Variants in MEF2C observed in about 807,000 individuals in gnomAD.
MEF2C encodes the protein myocyte enhancer factor 2C.
MEF2C carries 6 observed loss-of-function variants against 50.5 expected under a neutral mutation model. That is an observed-to-expected ratio of 0.12 (90% confidence interval 0.07 to 0.23). The LOEUF (loss-of-function observed/expected upper bound fraction) is 0.23. Ranked by LOEUF, MEF2C falls within the 10% of genes least tolerant of loss-of-function variation. The pLI is 1.00. For synonymous variants in MEF2C, 183 were observed against 228.0 expected (o/e 0.80, Z 1.78); for missense variants, 276 against 605.0 (o/e 0.46, Z 5.70).
At chr5:88,752,172 T>A in intron 4 of MEF2C, 129 bp from the exon 5 acceptor site, 1 of 765,574 alleles carries the variant, frequency 1.3e-6, no homozygotes, top group Non-Finnish European at 2.0e-6. Flanking sequence ...AGAAGACCAT[T>A]AAGAAGAGCT....
intron 3 of MEF2C, chr5:88,772,918 G>C (rs1291921642): frequency 1.0e-6 from 1 of 985,312 alleles, no homozygotes; most frequent in African/African-American, 1.7e-5. Flanking sequence ...TTTTGCCTGA[G>C]CTTGTGATAT....
At chr5:88,773,609 C>A (rs1314136629) in intron 3 of MEF2C, among the ~76,000 whole-genome samples, 1 of 152,184 alleles carries the variant, frequency 6.6e-6, no homozygotes, top group Admixed American at 6.5e-5. Flanking sequence ...GGATATCTGA[C>A]AGTAGAATGT....
chr5:88,806,673 A>G (rs1800572068), intron 2 of MEF2C, among the ~76,000 whole-genome samples: 1 of 152,098 alleles, frequency 6.6e-6, no homozygotes, highest in African/African-American at 2.4e-5. Flanking sequence ...TTTTTCCTTC[A>G]TGTTACAATC....
At chr5:88,723,260 T>A (rs1176515518) in intron 10 of MEF2C, among the ~76,000 whole-genome samples, 1 of 152,236 alleles carries the variant, frequency 6.6e-6, no homozygotes, top group East Asian at 1.9e-4. Context: ...ATGGACTCTA[T>A]CCCTAGACTA....
chr5:88,778,680 T>C (rs998539685), intron 3 of MEF2C, among the ~76,000 whole-genome samples: 9 of 152,194 alleles, frequency 5.9e-5, no homozygotes, highest in Admixed American at 5.9e-4. Flanking sequence ...AACACCAAGT[T>C]ACTTTATAGG....
Position 88,740,927 on chromosome 5 carries a change from C to T in MEF2C, c.637+8143G>A, listed in dbSNP as rs1317662848. The T allele has an allele frequency of 5.1e-6, 5 of 985,096 alleles. No homozygotes were observed. The African/African-American group carries it at 5.2e-5, about 10-fold the overall frequency. 61.0% of individuals were successfully genotyped at this position (985,096 alleles called of 1,614,324 possible). A position where few individuals can be genotyped will look rare whatever the true frequency, so the allele number is the denominator to read the frequency against. ...TCATTCTTTCAGTCATTTTTATAAA[C>T]AAAAATATTGAGACAGTATAAATTA... On this transcript the variant is annotated intron_variant, in intron 6 of 10. Transcript: ENST00000504921.
chr5:88,877,859 A>T (rs1254533542), intron 1 of MEF2C: 1 of 152,030 alleles, frequency 6.6e-6, no homozygotes, highest in Non-Finnish European at 1.5e-5. Context: ...ACTTTAAAAA[A>T]AACTGACAAT....
chr5:88,850,294 T>C (rs759378499), intron 1 of MEF2C, among the ~76,000 whole-genome samples: 2 of 152,222 alleles, frequency 1.3e-5, no homozygotes, highest in African/African-American at 4.8e-5. Flanking sequence ...ATTTTACATA[T>C]ATTAGTTCAT....
At position 88,720,144 on chromosome 5, in the gene MEF2C, G is replaced by C. The variant is rs1755802349; in HGVS notation, c.*2460C>G. ...TGCATATTTTATACACATCAAGTTA[G>C]AAGGATGGGTTGTAAGGATGGGATC... On this transcript the variant is annotated 3_prime_UTR_variant, in exon 11 of 11. Transcript: ENST00000504921. The C allele has an allele frequency of 6.6e-6, 1 of 152,080 alleles. No homozygotes were observed. The highest frequency in any genetic ancestry group is 1.5e-5 in the Non-Finnish European group (1 of 67,984). 9.4% of individuals were successfully genotyped at this position (152,080 alleles called of 1,614,324 possible).
chr5:88,763,656 CTT>C (rs1216067217), intron 3 of MEF2C, among the ~76,000 whole-genome samples: 31 of 141,230 alleles, frequency 2.2e-4, no homozygotes, highest in Non-Finnish European at 2.2e-4. Flanking sequence ...TTCTTTCTTT[CTT>C]TTTTTTTTTT....
chr5:88,815,766 C>T (rs1007868855), intron 2 of MEF2C, among the ~76,000 whole-genome samples: 14 of 151,910 alleles, frequency 9.2e-5, no homozygotes, highest in Admixed American at 8.5e-4. Context: ...GTGCAGACTG[C>T]AGAGGACATG....
At position 88,751,876 on chromosome 5, in the gene MEF2C, A is replaced by G. The variant is rs953192081; in HGVS notation, c.570T>C (p.Pro190=). 2 of 1,613,926 alleles carry G rather than the reference A, an allele frequency of 1.2e-6. No individual in the cohort carries two copies. Among genetic ancestry groups the G allele is most frequent in the African/African-American group, 1.3e-5 (1 of 75,040 alleles). Residue 190 remains proline, a synonymous_variant, in exon 5 of 11, where the codon CCT becomes CCC. Coordinates refer to ENST00000504921, the MANE Select transcript of MEF2C (RefSeq NM_002397.5). The part of the protein sequence containing the change: ...NSMSPGVTHR[P]PSAGNTGGLM... ...ACATACCTGTGTTACCTGCACTTGG[A>G]GGTCGATGTGTTACACCAGGAGACA... is the stretch of plus-strand genomic sequence containing the variant.
At chr5:88,898,783 G>A (rs190441903) in intron 1 of MEF2C, among the ~76,000 whole-genome samples, 37 of 152,174 alleles carry the variant, frequency 2.4e-4, no homozygotes, top group Non-Finnish European at 2.2e-4. Flanking sequence ...TATTGCAAAA[G>A]TATTGCTTTA....
intron 1 of MEF2C, among the ~76,000 whole-genome samples, chr5:88,847,935 CAA>C (rs1331653296): frequency 1.3e-5 from 2 of 152,230 alleles, no homozygotes; most frequent in African/African-American, 4.8e-5. Context: ...TGAACACAAA[CAA>C]TGATTATCTA....
In MEF2C at chr5:88,721,957, C is replaced by T. The variant is rs1756472621; in HGVS notation, c.*647G>A. The T allele has an allele frequency of 6.6e-6, 1 of 152,548 alleles. No individual in the cohort carries two copies. The highest frequency in any genetic ancestry group is 2.4e-5 in the African/African-American group (1 of 41,434). 9.4% of individuals were successfully genotyped at this position (152,548 alleles called of 1,614,324 possible). A position where few individuals can be genotyped will look rare whatever the true frequency, so the allele number is the denominator to read the frequency against. On this transcript the variant is annotated 3_prime_UTR_variant, in exon 11 of 11. Coordinates refer to ENST00000504921, the MANE Select transcript of MEF2C (RefSeq NM_002397.5). ...TTATATTTTTATTTAATAAGAGATG[C>T]AGACCCAGATTTATTTATTTATTTA...
chr5:88,756,966 G>C (rs1199334382), intron 4 of MEF2C, among the ~76,000 whole-genome samples: 1 of 152,298 alleles, frequency 6.6e-6, no homozygotes, highest in African/African-American at 2.4e-5. Flanking sequence ...GCAGGGCCCA[G>C]TGCAAAATGA....
Position 88,823,810 on chromosome 5 carries a change from T to C in MEF2C, c.-22A>G. ...CCATAGTCCCCGTTTTTCTTCTCTCTCTCGTCCCTGAAATTATGTATTTTT... is the reference window on the plus strand; with the variant it reads ...CCATAGTCCCCGTTTTTCTTCTCTCCCTCGTCCCTGAAATTATGTATTTTT... On this transcript the variant is annotated 5_prime_UTR_variant, in exon 2 of 11. Transcript: ENST00000504921. 1 of 1,606,602 alleles carries C rather than the reference T, an allele frequency of 6.2e-7. No homozygotes were observed. The highest frequency in any genetic ancestry group is 8.5e-7 in the Non-Finnish European group (1 of 1,175,838).
At chr5:88,752,563 C>T (rs1319326604) in intron 4 of MEF2C, 1 of 958,126 alleles carries the variant, frequency 1.0e-6, no homozygotes, top group African/African-American at 1.8e-5. Context: ...TTAAAAGTAA[C>T]TCTAAAGATA....
At chr5:88,751,685 C>A (rs576212143) in intron 5 of MEF2C, among the ~76,000 whole-genome samples, 172 bp downstream of exon 5, 1 of 152,262 alleles carries the variant, frequency 6.6e-6, no homozygotes, top group Non-Finnish European at 1.5e-5. Flanking sequence ...GAAAAACATA[C>A]TAAAGAATTT....
Sources: gnomAD v4.1 joint callset for allele counts (sites outside exome capture counted in the v4.1 genomes callset) on GRCh38, gnomAD v4.1.1 for gene constraint, MANE v1.5 for transcripts, NCBI Gene and HGNC (gene_info 2026-07-23, HGNC 2026-07-21) for gene names.